Variants in EVC2 observed in about 807,000 individuals in gnomAD.
The protein encoded by EVC2 is limbin.
Under a neutral mutation model 149.3 loss-of-function variants are expected in EVC2, and 148 were observed. That is an observed-to-expected ratio of 0.99 (90% CI 0.87 to 1.14). The LOEUF is 1.14. EVC2 is among the 50% of genes most tolerant of loss of function. EVC2 has a pLI of 0.00. For missense variants in EVC2, 1,854 were observed against 1,627.3 expected (o/e 1.14, Z -2.40); for synonymous variants, 776 against 649.9 (o/e 1.19, Z -2.95).
At chr4:5,564,789 G>A (rs1415643786) in intron 21 of EVC2, among the ~76,000 whole-genome samples, 25 of 152,204 alleles carry the variant, frequency 1.6e-4, no homozygotes, top group Admixed American at 9.2e-4. Context: ...AAGGTAAAGA[G>A]CGCAAGCCTG....
Position 5,677,680 on chromosome 4 carries a change from C to T in EVC2, c.870+3580G>A, listed in dbSNP as rs760601549. 6.6e-6 allele frequency among the ~76,000 whole-genome samples: 1 copy of T among 152,238 alleles called. No individual in the cohort carries two copies. Among genetic ancestry groups the T allele is most frequent in the Non-Finnish European group, 1.5e-5 (1 of 68,046 alleles). ...TTATTACACTCATACAGCAACCAGC[C>T]ACCTCCTCCTCCTGAGCAGCAATCA... On this transcript the variant is annotated intron_variant, in intron 7 of 21. Coordinates refer to ENST00000344408, the MANE Select transcript of EVC2 (RefSeq NM_147127.5). The surrounding 1 kb of genome is among the most constrained non-coding windows in gnomAD (Gnocchi z 4.3).
intron 1 of EVC2, among the ~76,000 whole-genome samples, chr4:5,700,266 A>G (rs1433343684): frequency 6.6e-6 from 1 of 152,226 alleles, no homozygotes; most frequent in Non-Finnish European, 1.5e-5. Flanking sequence ...AAACTCTTCT[A>G]AAAATTACAG....
chr4:5,685,870 A>T (rs928583405), intron 5 of EVC2, among the ~76,000 whole-genome samples: 1 of 152,166 alleles, frequency 6.6e-6, no homozygotes, highest in African/African-American at 2.4e-5. Flanking sequence ...CCAGGACTGG[A>T]GGCCTTCGCC....
chr4:5,655,697 C>A (rs1466823580), intron 9 of EVC2, among the ~76,000 whole-genome samples: 1 of 150,742 alleles, frequency 6.6e-6, no homozygotes, highest in Non-Finnish European at 1.5e-5. Flanking sequence ...GCACACACAG[C>A]CCCTGGCATG....
intron 15 of EVC2, 81 bp from the exon 16 acceptor site, chr4:5,615,625 C>T: frequency 6.2e-7 from 1 of 1,604,168 alleles, no homozygotes. Context: ...CTTTGCAGGT[C>T]AAGAGAAGTT....
intron 20 of EVC2, among the ~76,000 whole-genome samples, 187 bp downstream of exon 20, chr4:5,568,257 T>C (rs567967110): frequency 6.6e-6 from 1 of 152,298 alleles, no homozygotes; most frequent in Admixed American, 6.5e-5. Flanking sequence ...TTTTCTTTAA[T>C]GGGCATGCAT....
chr4:5,688,420 C>A (rs529406988), intron 5 of EVC2, among the ~76,000 whole-genome samples: 1 of 152,102 alleles, frequency 6.6e-6, no homozygotes, highest in Admixed American at 6.5e-5. Flanking sequence ...CCTATGACCT[C>A]GGGCAAGCTT....
chr4:5,706,236 G>C (rs757316169), intron 1 of EVC2, among the ~76,000 whole-genome samples: 2 of 151,398 alleles, frequency 1.3e-5, no homozygotes, highest in Non-Finnish European at 2.9e-5. Context: ...TGTGCAATTA[G>C]GCATTGGTCT....
At chr4:5,595,125 A>C (rs1021588796) in intron 16 of EVC2, among the ~76,000 whole-genome samples, 2 of 152,226 alleles carry the variant, frequency 1.3e-5, no homozygotes, top group African/African-American at 2.4e-5. Flanking sequence ...GAGAATGGAA[A>C]CAAGTTGGAA....
rs889983070 is a variant in EVC2, at chr4:5,631,564, G to T, written c.1710+229C>A. On this transcript the variant is annotated intron_variant, in intron 11 of 21. Coordinates refer to ENST00000344408, the MANE Select transcript of EVC2 (RefSeq NM_147127.5). Reference sequence around the variant, plus strand: ...GTAACTTGCTCAAGTTCACGCAGTAGACTGGGGGGGGGAACTGAAATTCCA... The same window carrying T: ...GTAACTTGCTCAAGTTCACGCAGTATACTGGGGGGGGGAACTGAAATTCCA... Among the ~76,000 whole-genome samples the T allele has an allele frequency of 2.3e-5, 3 of 130,794 alleles. No homozygotes were observed. In the Admixed American group the frequency reaches 2.4e-4, roughly 11 times the overall value. The allele number at this position is 130,794 out of a possible 152,430, so 85.8% of individuals were successfully genotyped here.
chr4:5,590,497 G>A (rs544908192), intron 16 of EVC2, among the ~76,000 whole-genome samples: 102 of 151,472 alleles, frequency 6.7e-4, no homozygotes, highest in Admixed American at 2.0e-3. Context: ...TTCCCTGAGC[G>A]CTAAACAGAA....
intron 7 of EVC2, 63 bp downstream of exon 7, chr4:5,681,197 C>A: frequency 6.3e-7 from 1 of 1,587,070 alleles, no homozygotes; most frequent in Non-Finnish European, 8.7e-7. Flanking sequence ...GCTCCAAGGA[C>A]AGGCAGGACC....
downstream of EVC2, among the ~76,000 whole-genome samples, chr4:5,539,044 G>GA (rs1257336266): frequency 1.4e-4 from 21 of 152,186 alleles, no homozygotes; most frequent in African/African-American, 4.6e-4. Flanking sequence ...TGTCTAAATA[G>GA]AAAACCTGAT....
At chr4:5,564,089 T>G (rs1722120108) in intron 21 of EVC2, among the ~76,000 whole-genome samples, 1 of 152,124 alleles carries the variant, frequency 6.6e-6, no homozygotes, top group South Asian at 2.1e-4. Context: ...ACCTGCTGCA[T>G]GTCAACGGCA....
chr4:5,616,969 T>G (rs913030333), intron 15 of EVC2, among the ~76,000 whole-genome samples: 1 of 152,182 alleles, frequency 6.6e-6, no homozygotes, highest in Non-Finnish European at 1.5e-5. Context: ...CTCCCCTCGC[T>G]TCGGTGAAGT....
intron 7 of EVC2, 71 bp from the exon 8 acceptor site, chr4:5,665,720 T>G (rs1719236049): frequency 6.3e-7 from 1 of 1,587,920 alleles, no homozygotes; most frequent in East Asian, 2.3e-5. Context: ...CACAGATGAT[T>G]GAGTGTCAGA....
In EVC2 at chr4:5,567,133, C is replaced by G. The variant is rs1488981744; in HGVS notation, c.3557+1311G>C. 6.6e-6 allele frequency among the ~76,000 whole-genome samples: 1 copy of G among 152,052 alleles called. No individual in the cohort carries two copies. Among genetic ancestry groups the G allele is most frequent in the African/African-American group, 2.4e-5 (1 of 41,404 alleles). ...GCCCACACCCAGCCCTCTGACCACG[C>G]CAACAACCAGACCTCTGACCCCCTA... On this transcript the variant is annotated intron_variant, in intron 20 of 21. Coordinates refer to ENST00000344408, the MANE Select transcript of EVC2 (RefSeq NM_147127.5). The surrounding 1 kb of genome is among the most constrained non-coding windows in gnomAD (Gnocchi z 4.4).
At chr4:5,632,141 AAC>A in intron 10 of EVC2, 109 bp from the exon 11 acceptor site, 1 of 1,410,346 alleles carries the variant, frequency 7.1e-7, no homozygotes, top group South Asian at 1.3e-5. Flanking sequence ...TGTGTACATG[AAC>A]ACACAGATGC....
intron 17 of EVC2, among the ~76,000 whole-genome samples, chr4:5,580,720 C>T (rs1711683073): frequency 6.6e-6 from 1 of 152,176 alleles, no homozygotes; most frequent in Non-Finnish European, 1.5e-5. Context: ...TGGCTAAGTA[C>T]TCTGTGGAGG....
Sources: gnomAD v4.1 joint callset for allele counts (sites outside exome capture counted in the v4.1 genomes callset) on GRCh38, gnomAD v4.1.1 for gene constraint, Gnocchi (gnomAD v3.1) non-coding constraint, MANE v1.5 for transcripts, NCBI Gene and HGNC (gene_info 2026-07-23, HGNC 2026-07-21) for gene names.